OPCML: variants seen among roughly 807,000 people sequenced by gnomAD.
The protein encoded by OPCML is opioid-binding protein/cell adhesion molecule.
In OPCML, 13 loss-of-function variants were observed where a neutral mutation model predicts 37.8. The ratio of observed to expected loss-of-function variants is 0.34; its 90% CI spans 0.22 to 0.55. The LOEUF (loss-of-function observed/expected upper bound fraction) is 0.55, where lower values mean the gene tolerates loss of function less well. OPCML is among the 20% of genes least tolerant of loss of function. OPCML has a pLI of 0.91. For missense variants in OPCML, 341 were observed against 435.6 expected (o/e 0.78, Z 1.93); for synonymous variants, 176 against 168.8 (o/e 1.04, Z -0.33).
At chr11:132,676,433 T>A (rs1352845866) in intron 2 of OPCML, among the ~76,000 whole-genome samples, 3 of 151,848 alleles carry the variant, frequency 2.0e-5, no homozygotes, top group East Asian at 3.9e-4. Flanking sequence ...AATTGATAAA[T>A]TGGATTTCAT....
At chr11:133,146,174 C>T (rs1013848509) in intron 1 of OPCML, among the ~76,000 whole-genome samples, 1 of 152,046 alleles carries the variant, frequency 6.6e-6, no homozygotes, top group Admixed American at 6.6e-5. Context: ...AGAAATGGGG[C>T]TACTAATCCC....
At chr11:133,440,072 T>C (rs73035200) in intron 1 of OPCML, among the ~76,000 whole-genome samples, 15,503 of 152,096 alleles carry the variant, frequency 0.1, 1,351 homozygotes, top group African/African-American at 0.23. Context: ...TAGAAACAGA[T>C]GGAAAGTCTT....
At chr11:133,349,413 G>A (rs1380843450) in intron 1 of OPCML, among the ~76,000 whole-genome samples, 1 of 152,174 alleles carries the variant, frequency 6.6e-6, no homozygotes, top group African/African-American at 2.4e-5. Flanking sequence ...ATTGTGGGAA[G>A]TACCTGAACC....
At chr11:133,054,160 C>A (rs1387180041) in intron 1 of OPCML, among the ~76,000 whole-genome samples, 1 of 152,164 alleles carries the variant, frequency 6.6e-6, no homozygotes, top group Non-Finnish European at 1.5e-5. Flanking sequence ...TGAGTCCAGG[C>A]ATAGGACCAC....
chr11:133,505,328 G>C (rs540913130), intron 1 of OPCML, among the ~76,000 whole-genome samples: 2 of 152,304 alleles, frequency 1.3e-5, no homozygotes, highest in African/African-American at 4.8e-5. Context: ...CCAGCTCCTG[G>C]TTTTCTTCAA....
chr11:132,492,349 G>C (rs1475081212), intron 4 of OPCML, among the ~76,000 whole-genome samples: 2 of 152,076 alleles, frequency 1.3e-5, no homozygotes, highest in Non-Finnish European at 2.9e-5. Context: ...TGATGTGGTG[G>C]GGGTAGAGGT....
intron 7 of OPCML, among the ~76,000 whole-genome samples, chr11:132,422,508 G>A (rs116640821): frequency 0.026 from 3,925 of 152,268 alleles, 161 homozygotes; most frequent in African/African-American, 0.088. Context: ...GAAATGAAAG[G>A]GAGACTTAGC....
At chr11:133,114,407 A>T (rs1431779) in intron 1 of OPCML, among the ~76,000 whole-genome samples, 84,181 of 151,840 alleles carry the variant, frequency 0.55, 23,549 homozygotes, top group East Asian at 0.8. Context: ...TCCTATCAGC[A>T]CTACCTTCAA....
intron 4 of OPCML, among the ~76,000 whole-genome samples, chr11:132,512,697 A>G (rs1160572761): frequency 6.6e-6 from 1 of 151,910 alleles, no homozygotes; most frequent in Non-Finnish European, 1.5e-5. Flanking sequence ...TATTTGTGTC[A>G]TGTAGATTAT....
At chr11:132,534,529 T>A (rs947728698) in intron 3 of OPCML, among the ~76,000 whole-genome samples, 1 of 152,202 alleles carries the variant, frequency 6.6e-6, no homozygotes, top group Non-Finnish European at 1.5e-5. Context: ...TTCCCAAAGA[T>A]GAAACATGTC....
intron 1 of OPCML, among the ~76,000 whole-genome samples, chr11:133,340,253 G>C (rs1943834333): frequency 6.6e-6 from 1 of 152,178 alleles, no homozygotes; most frequent in Non-Finnish European, 1.5e-5. Flanking sequence ...GCTCCAAAGA[G>C]TGTCCTTTGA....
chr11:132,811,603 T>C (rs1404964043), intron 2 of OPCML, among the ~76,000 whole-genome samples: 1 of 152,196 alleles, frequency 6.6e-6, no homozygotes, highest in Non-Finnish European at 1.5e-5. Context: ...TATTTATAGC[T>C]TTGTTCCATA....
At chr11:132,484,766 T>C (rs1327051411) in intron 4 of OPCML, among the ~76,000 whole-genome samples, 1 of 152,086 alleles carries the variant, frequency 6.6e-6, no homozygotes, top group Non-Finnish European at 1.5e-5. Context: ...ATGTCCTTTG[T>C]AGGGACATGG....
intron 2 of OPCML, among the ~76,000 whole-genome samples, chr11:132,911,631 C>T (rs1944429905): frequency 6.6e-6 from 1 of 152,172 alleles, no homozygotes; most frequent in African/African-American, 2.4e-5. Context: ...GTACCATGAG[C>T]CTTGGCATCA....
intron 1 of OPCML, among the ~76,000 whole-genome samples, chr11:133,326,107 C>G (rs1255562345): frequency 6.6e-6 from 1 of 152,034 alleles, no homozygotes; most frequent in Non-Finnish European, 1.5e-5. Flanking sequence ...AATCCTGAAC[C>G]TGTTTTTCTT....
rs1002397565 is a variant in OPCML, at chr11:133,323,297, C to T, written c.61+208967G>A. On this transcript the variant is annotated intron_variant, in intron 1 of 7. Coordinates refer to ENST00000524381, the MANE Select transcript of OPCML (RefSeq NM_001012393.5). ...AGATTGGATTTCTGGAGAGTCTCCACAGCCCACTTGTGTTCTGTTCAATTC... is the reference window on the plus strand; with the variant it reads ...AGATTGGATTTCTGGAGAGTCTCCATAGCCCACTTGTGTTCTGTTCAATTC... Among the ~76,000 whole-genome samples the T allele has an allele frequency of 2.0e-5, 3 of 152,226 alleles. No homozygotes were observed. The East Asian group carries it at 5.8e-4, about 29-fold the overall frequency.
intron 1 of OPCML, among the ~76,000 whole-genome samples, chr11:133,046,134 A>T (rs1001476131): frequency 6.6e-6 from 1 of 152,048 alleles, no homozygotes; most frequent in Non-Finnish European, 1.5e-5. Flanking sequence ...GAACCTGTAC[A>T]CCCTTTAGTT....
At chr11:132,705,950 G>A (rs1051960287) in intron 2 of OPCML, among the ~76,000 whole-genome samples, 1 of 152,088 alleles carries the variant, frequency 6.6e-6, no homozygotes, top group Admixed American at 6.5e-5. Flanking sequence ...TGGGATTACA[G>A]GCATGCACCA....
chr11:133,164,682 C>T (rs760281926), intron 1 of OPCML, among the ~76,000 whole-genome samples: 5 of 152,214 alleles, frequency 3.3e-5, no homozygotes, highest in African/African-American at 7.2e-5. Flanking sequence ...ATGTTATCTC[C>T]TGTTCAATTT....
Sources: gnomAD v4.1 joint callset for allele counts (sites outside exome capture counted in the v4.1 genomes callset) on GRCh38, gnomAD v4.1.1 for gene constraint, MANE v1.5 for transcripts, NCBI Gene and HGNC (gene_info 2026-07-23, HGNC 2026-07-21) for gene names.